Variants in IKBKB-DT observed in about 807,000 individuals in gnomAD.
The protein encoded by IKBKB-DT is IKBKB divergent transcript.
chr8:42,257,561 G>A (rs1407566618), intron 3 of IKBKB-DT, among the ~76,000 whole-genome samples: 1 of 151,918 alleles, frequency 6.6e-6, no homozygotes, highest in Non-Finnish European at 1.5e-5. Context: ...GACTTTTTAG[G>A]GGCCTTCAGG....
intron 3 of IKBKB-DT, among the ~76,000 whole-genome samples, chr8:42,242,572 G>T (rs1807016585): frequency 2.6e-5 from 4 of 152,116 alleles, no homozygotes; most frequent in African/African-American, 9.7e-5. Context: ...GAGTGTACTG[G>T]TCCATGCTAT....
chr8:42,256,786 T>C (rs1440560238), intron 3 of IKBKB-DT, among the ~76,000 whole-genome samples: 2 of 152,084 alleles, frequency 1.3e-5, no homozygotes, highest in East Asian at 1.9e-4. Flanking sequence ...TAAATACAAA[T>C]GCACTTTCTT....
intron 3 of IKBKB-DT, among the ~76,000 whole-genome samples, chr8:42,239,351 T>TG: frequency 6.6e-6 from 1 of 151,760 alleles, no homozygotes. Context: ...AGCCGCCCTC[T>TG]GGGCCACTGC....
chr8:42,267,004 GT>G (rs527900913), intron 1 of IKBKB-DT, among the ~76,000 whole-genome samples: 13,985 of 125,230 alleles, frequency 0.11, 1,328 homozygotes, highest in African/African-American at 0.4. Flanking sequence ...TTTTTTTTTT[GT>G]TTTTTTTTTT....
Position 42,240,400 on chromosome 8 carries a change from A to G in IKBKB-DT, n.1530-6541T>C, listed in dbSNP as rs935113259. ...AGCACTTTGGGAGGCCGAGGCGGGC[A>G]GATCACGAGGTCAGGAGATCGAGAC... On this transcript the variant is annotated intron_variant and non_coding_transcript_variant, in intron 3 of 3. Transcript: ENST00000518213. Among the ~76,000 whole-genome samples, 19 of 150,250 alleles carry G rather than the reference A, an allele frequency of 1.3e-4. No individual in the cohort carries two copies. In the East Asian group the frequency reaches 3.4e-3, roughly 27 times the overall value.
chr8:42,236,390 G>A (rs1362107422), intron 3 of IKBKB-DT, among the ~76,000 whole-genome samples: 2 of 152,142 alleles, frequency 1.3e-5, no homozygotes, highest in African/African-American at 2.4e-5. Context: ...TCAAAGTGAG[G>A]TCTAGGTCAA....
In IKBKB-DT at chr8:42,255,032, G is replaced by A. The variant is rs77493551; in HGVS notation, n.1529+8297C>T. 2.1e-3 allele frequency among the ~76,000 whole-genome samples: 301 copies of A among 141,668 alleles called. 2 individuals carry two copies. The highest frequency in any genetic ancestry group is 3.6e-3 in the Admixed American group (50 of 14,048). 92.9% of individuals were successfully genotyped at this position (141,668 alleles called of 152,430 possible). ...ACCCCATCTGGGATGTGAGGAGCGC[G>A]TCTGCCCAGCTGCCGCCCTGTCTGG... On this transcript the variant is annotated intron_variant and non_coding_transcript_variant, in intron 3 of 3. Transcript: ENST00000518213.
intron 3 of IKBKB-DT, among the ~76,000 whole-genome samples, chr8:42,243,370 A>C (rs1807027029): frequency 6.6e-6 from 1 of 152,206 alleles, no homozygotes; most frequent in African/African-American, 2.4e-5. Flanking sequence ...ATTTCTAAAG[A>C]GCTAAAGTAA....
At chr8:42,238,996 G>T (rs944942303) in intron 3 of IKBKB-DT, among the ~76,000 whole-genome samples, 1 of 152,134 alleles carries the variant, frequency 6.6e-6, no homozygotes, top group African/African-American at 2.4e-5. Context: ...TGCTGTCTCT[G>T]TGAATTGGTT....
chr8:42,257,604 C>T (rs1170042181), intron 3 of IKBKB-DT, among the ~76,000 whole-genome samples: 1 of 151,836 alleles, frequency 6.6e-6, no homozygotes, highest in Non-Finnish European at 1.5e-5. Context: ...GTCAAAAACA[C>T]TTCATGTAGA....
rs1036727745 is a variant in IKBKB-DT at position 42,253,314 on chromosome 8, G to T, written n.1529+10015C>A. 3.9e-5 allele frequency among the ~76,000 whole-genome samples: 6 copies of T among 152,162 alleles called. 1 individual carries two copies. The highest frequency in any genetic ancestry group is 3.3e-4 in the Admixed American group (5 of 15,268). ...TCTTGTCTTTCTGGACCAAACCAATGTATTTCTCAAATGTATTTGATTGAT... is the reference window on the plus strand; with the variant it reads ...TCTTGTCTTTCTGGACCAAACCAATTTATTTCTCAAATGTATTTGATTGAT... On this transcript the variant is annotated intron_variant and non_coding_transcript_variant, in intron 3 of 3. Coordinates refer to ENST00000518213, the Ensembl canonical transcript of IKBKB-DT.
At chr8:42,261,433 TG>T (rs1371242729) in intron 3 of IKBKB-DT, among the ~76,000 whole-genome samples, 1 of 152,098 alleles carries the variant, frequency 6.6e-6, no homozygotes, top group East Asian at 1.9e-4. Flanking sequence ...CTCTCCCCCT[TG>T]AGTGAAATAA....
At chr8:42,242,880 C>T (rs1448533288) in intron 3 of IKBKB-DT, among the ~76,000 whole-genome samples, 1 of 152,222 alleles carries the variant, frequency 6.6e-6, no homozygotes, top group East Asian at 1.9e-4. Context: ...AATGAGCAGG[C>T]CACTCAACGA....
At chr8:42,261,882 G>A (rs1031546662) in intron 3 of IKBKB-DT, among the ~76,000 whole-genome samples, 6 of 152,338 alleles carry the variant, frequency 3.9e-5, no homozygotes, top group Middle Eastern at 3.4e-3. Flanking sequence ...TTGGCTGGCC[G>A]TATTCTGGGG....
rs187241078 is a variant in IKBKB-DT, at chr8:42,255,991, A to G, written n.1529+7338T>C. On this transcript the variant is annotated intron_variant and non_coding_transcript_variant, in intron 3 of 3. Coordinates refer to ENST00000518213, the Ensembl canonical transcript of IKBKB-DT. ...CAGTGAGCCGAGATTGCACCATTGC[A>G]CTCCAGCCTGGGCGACAAGAGTGAA... Among the ~76,000 whole-genome samples, 528 of 150,882 alleles carry G rather than the reference A, an allele frequency of 3.5e-3. 5 individuals are homozygous for G. Among genetic ancestry groups the G allele is most frequent in the Middle Eastern group, 0.024 (7 of 290 alleles).
chr8:42,233,967 AG>A (rs1347435046), intron 3 of IKBKB-DT: 1 of 152,128 alleles, frequency 6.6e-6, no homozygotes, highest in African/African-American at 2.4e-5. Flanking sequence ...CCATTTAGGG[AG>A]GGTCAGAATC....
chr8:42,265,956 AG>A (rs1807363375), exon 2 of IKBKB-DT, among the ~76,000 whole-genome samples: 1 of 152,116 alleles, frequency 6.6e-6, no homozygotes, highest in Non-Finnish European at 1.5e-5. Flanking sequence ...CCTCTTCTGC[AG>A]CCAGCTCTGC....
chr8:42,248,096 A>AT (rs1016203635), intron 3 of IKBKB-DT, among the ~76,000 whole-genome samples: 6 of 147,310 alleles, frequency 4.1e-5, no homozygotes, highest in Non-Finnish European at 7.5e-5. Flanking sequence ...CCGTCTCGGA[A>AT]AAAAAAAAAA....
intron 3 of IKBKB-DT, among the ~76,000 whole-genome samples, chr8:42,240,729 C>G (rs1174187755): frequency 1.3e-5 from 2 of 151,028 alleles, no homozygotes; most frequent in Non-Finnish European, 2.9e-5. Context: ...GTAATCCCAG[C>G]ACTTTGAGAG....
Sources: allele counts gnomAD v4.1 joint callset (sites outside exome capture counted in the v4.1 genomes callset), GRCh38; gene constraint gnomAD v4.1.1; transcripts MANE v1.5; gene names NCBI Gene and HGNC (gene_info 2026-07-23, HGNC 2026-07-21).